Variants in ZMYND11 observed in about 807,000 individuals in gnomAD.
ZMYND11 encodes zinc finger MYND domain-containing protein 11.
A neutral mutation model predicts 84.9 loss-of-function variants in ZMYND11; 9 were observed. That is an observed-to-expected ratio of 0.11 (90% confidence interval 0.06 to 0.18). The LOEUF (loss-of-function observed/expected upper bound fraction) is 0.18, where lower values mean the gene tolerates loss of function less well. Ranked by LOEUF, ZMYND11 falls within the 10% of genes least tolerant of loss-of-function variation. ZMYND11 has a pLI of 1.00. For synonymous variants in ZMYND11, 250 were observed against 244.1 expected (o/e 1.02, Z -0.23); for missense variants, 409 against 761.0 (o/e 0.54, Z 5.44).
chr10:233,596 G>A (rs1372989209), intron 4 of ZMYND11, among the ~76,000 whole-genome samples: 1 of 152,204 alleles, frequency 6.6e-6, no homozygotes, highest in Non-Finnish European at 1.5e-5. Context: ...AATTCTGGAA[G>A]TTTCATCAGA....
At chr10:189,916 C>T (rs1352539695) in intron 2 of ZMYND11, among the ~76,000 whole-genome samples, 1 of 151,978 alleles carries the variant, frequency 6.6e-6, no homozygotes, top group African/African-American at 2.4e-5. Flanking sequence ...CTTGATATTT[C>T]GATGGGATTC....
chr10:181,359 C>T (rs1847849730), intron 2 of ZMYND11, among the ~76,000 whole-genome samples: 1 of 152,186 alleles, frequency 6.6e-6, no homozygotes, highest in African/African-American at 2.4e-5. Context: ...TGGCTCACGC[C>T]TGTAATCCCA....
At chr10:146,479 T>C (rs1396640005) in intron 1 of ZMYND11, among the ~76,000 whole-genome samples, 1 of 152,244 alleles carries the variant, frequency 6.6e-6, no homozygotes, top group African/African-American at 2.4e-5. Flanking sequence ...TTTCACAATA[T>C]CGATTTTTCC....
At chr10:226,756 G>A (rs1378090964) in intron 4 of ZMYND11, among the ~76,000 whole-genome samples, 1 of 152,182 alleles carries the variant, frequency 6.6e-6, no homozygotes, top group East Asian at 1.9e-4. Flanking sequence ...CCTCCAAAGA[G>A]TTTTGTCTTG....
rs563170944 is a variant in ZMYND11, at chr10:160,142, G to C, written c.-19-19852G>C. ...GCTGATATGTATACAGGCGTACCCTGGATATATTGTGGGTTTGGTTCCAGA... is the reference window on the plus strand; with the variant it reads ...GCTGATATGTATACAGGCGTACCCTCGATATATTGTGGGTTTGGTTCCAGA... On this transcript the variant is annotated intron_variant, in intron 1 of 14. Coordinates refer to ENST00000381604, the MANE Select transcript of ZMYND11 (RefSeq NM_001370100.5). 2.0e-5 allele frequency among the ~76,000 whole-genome samples: 3 copies of C among 152,226 alleles called. No individual in the cohort carries two copies. In the South Asian group the frequency reaches 6.2e-4, roughly 32 times the overall value.
chr10:209,037 GTA>G (rs541792944), intron 2 of ZMYND11, among the ~76,000 whole-genome samples: 42 of 150,484 alleles, frequency 2.8e-4, no homozygotes, highest in East Asian at 2.1e-3. Flanking sequence ...ATATGTATAT[GTA>G]TATATATATA....
chr10:177,931 T>TA (rs1847020868), intron 1 of ZMYND11, among the ~76,000 whole-genome samples: 1 of 152,204 alleles, frequency 6.6e-6, no homozygotes, highest in African/African-American at 2.4e-5. Context: ...CTTTGGTTGT[T>TA]ATATATTTTA....
At chr10:141,592 A>G (rs986128500) in intron 1 of ZMYND11, among the ~76,000 whole-genome samples, 2 of 152,254 alleles carry the variant, frequency 1.3e-5, no homozygotes, top group African/African-American at 4.8e-5. Context: ...AGATTTTACT[A>G]TATTAACAAC....
chr10:132,854 G>A (rs1296994850), upstream of ZMYND11, among the ~76,000 whole-genome samples: 1 of 152,150 alleles, frequency 6.6e-6, no homozygotes, highest in Non-Finnish European at 1.5e-5. Flanking sequence ...CGACAGCTCT[G>A]AGAAGCCCCA....
chr10:139,568 T>C (rs974434860), intron 1 of ZMYND11, among the ~76,000 whole-genome samples: 3 of 152,186 alleles, frequency 2.0e-5, no homozygotes, highest in Non-Finnish European at 2.9e-5. Context: ...ACTTTTGAAA[T>C]GTTTAGTAGC....
intron 3 of ZMYND11, among the ~76,000 whole-genome samples, chr10:216,811 G>GT (rs1452623854): frequency 6.6e-6 from 1 of 151,894 alleles, no homozygotes; most frequent in African/African-American, 2.4e-5. Flanking sequence ...GTATATGTTT[G>GT]TTTTTTCTTT....
chr10:229,057 T>G (rs1234318935), intron 4 of ZMYND11, among the ~76,000 whole-genome samples: 2 of 152,248 alleles, frequency 1.3e-5, no homozygotes, highest in Non-Finnish European at 2.9e-5. Context: ...AGTTACTAAG[T>G]CAGCCCAGTA....
chr10:170,424 A>ATGTGTGTG (rs1206060810), intron 1 of ZMYND11, among the ~76,000 whole-genome samples: 1 of 69,800 alleles, frequency 1.4e-5, no homozygotes, highest in African/African-American at 5.2e-5. Flanking sequence ...GTATTTGATT[A>ATGTGTGTG]TGTGTGCGTG....
intron 4 of ZMYND11, among the ~76,000 whole-genome samples, chr10:233,383 C>A (rs374585974): frequency 3.3e-5 from 5 of 152,194 alleles, no homozygotes; most frequent in African/African-American, 1.2e-4. Context: ...CCCCAGACAG[C>A]CATTCCTCTG....
intron 14 of ZMYND11, chr10:249,584 CT>C: frequency 1.0e-6 from 1 of 985,170 alleles, no homozygotes. Context: ...ACTACCCTCC[CT>C]CATACCTGAC....
intron 10 of ZMYND11, 41 bp downstream of exon 10, chr10:242,180 A>T: frequency 6.2e-7 from 1 of 1,604,410 alleles, no homozygotes; most frequent in East Asian, 2.2e-5. Flanking sequence ...AGCTGTGCTT[A>T]TGAAGTCCTT....
At chr10:185,493 TA>T (rs531517790) in intron 2 of ZMYND11, among the ~76,000 whole-genome samples, 3,664 of 80,750 alleles carry the variant, frequency 0.045, 87 homozygotes, top group Non-Finnish European at 0.05. Flanking sequence ...GGTTTTTCTT[TA>T]AAAAAAAAAA....
intron 2 of ZMYND11, 109 bp downstream of exon 2, chr10:180,237 C>T: frequency 1.4e-6 from 1 of 698,042 alleles, no homozygotes; most frequent in Non-Finnish European, 2.3e-6. Flanking sequence ...TTACAAAGAA[C>T]TGAAGACACT....
intron 3 of ZMYND11, among the ~76,000 whole-genome samples, chr10:216,200 C>A (rs1946171581): frequency 6.6e-6 from 1 of 152,168 alleles, no homozygotes; most frequent in Non-Finnish European, 1.5e-5. Flanking sequence ...GCAGCCATGG[C>A]AAGCAGGGGC....
Sources: allele counts gnomAD v4.1 joint callset (sites outside exome capture counted in the v4.1 genomes callset), GRCh38; gene constraint gnomAD v4.1.1; transcripts MANE v1.5; gene names NCBI Gene and HGNC (gene_info 2026-07-23, HGNC 2026-07-21).